ADK: variants seen among roughly 807,000 people sequenced by gnomAD.
The protein encoded by ADK is N6,N6-dimethyladenosine kinase.
Under a neutral mutation model 44.7 loss-of-function variants are expected in ADK, and 24 were observed. That is an observed-to-expected ratio of 0.54 (90% CI 0.39 to 0.76). ADK has a LOEUF of 0.76. Ranked by LOEUF, ADK falls within the 30% of genes least tolerant of loss-of-function variation. The pLI, the probability that ADK is intolerant of heterozygous loss-of-function variation, is 0.00. For missense variants in ADK, 321 were observed against 425.1 expected (o/e 0.76, Z 2.15); for synonymous variants, 128 against 142.6 (o/e 0.90, Z 0.73).
chr10:74,246,032 A>G (rs1845403021), intron 3 of ADK, among the ~76,000 whole-genome samples: 1 of 152,126 alleles, frequency 6.6e-6, no homozygotes, highest in Non-Finnish European at 1.5e-5. Flanking sequence ...GTTAAAAAAA[A>G]TCAAAATATT....
At chr10:74,202,076 A>T (rs1843418337) in intron 2 of ADK, among the ~76,000 whole-genome samples, 1 of 152,120 alleles carries the variant, frequency 6.6e-6, no homozygotes. Flanking sequence ...CATACCCAGT[A>T]AGTAGTCATT....
At chr10:74,465,907 A>G (rs1009206997) in intron 6 of ADK, among the ~76,000 whole-genome samples, 3 of 152,184 alleles carry the variant, frequency 2.0e-5, no homozygotes, top group African/African-American at 7.2e-5. Context: ...CTTGTGACTT[A>G]GACTTTGATA....
chr10:74,647,733 C>G (rs1189368278), intron 9 of ADK, among the ~76,000 whole-genome samples: 1 of 152,130 alleles, frequency 6.6e-6, no homozygotes, highest in African/African-American at 2.4e-5. Context: ...GAGTTTCAGT[C>G]TCTGTTTAGG....
At chr10:74,451,067 CTTTTTTT>C (rs35120068) in intron 6 of ADK, among the ~76,000 whole-genome samples, 5 of 72,162 alleles carry the variant, frequency 6.9e-5, no homozygotes, top group African/African-American at 1.8e-4. Context: ...GCTCTGCTGC[CTTTTTTT>C]TTTTTTTTTT....
chr10:74,303,585 G>GTTTTTTTTTTTTTTTTTTTTTTTT lies in ADK; in HGVS notation c.195-11080_195-11079insTTTTTTTTTTTTTTTTTTTTTTTT, dbSNP rs1282565148. On this transcript the variant is annotated intron_variant, in intron 3 of 10. Transcript: ENST00000539909. ...AAACACTTTTCATATTGGTTTTAAT[G>GTTTTTTTTTTTTTTTTTTTTTTTT]TTGTTTTTTTTTTTTTTTTTTTTTT... Among the ~76,000 whole-genome samples the GTTTTTTTTTTTTTTTTTTTTTTTT allele has an allele frequency of 4.1e-3, 268 of 64,642 alleles. 85 individuals carry two copies. The highest frequency in any genetic ancestry group is 5.4e-3 in the Non-Finnish European group (219 of 40,792). The allele number at this position is 64,642 out of a possible 152,430, so 42.4% of individuals were successfully genotyped here.
At chr10:74,344,372 C>T (rs1841688590) in intron 4 of ADK, among the ~76,000 whole-genome samples, 1 of 152,178 alleles carries the variant, frequency 6.6e-6, no homozygotes, top group South Asian at 2.1e-4. Flanking sequence ...ATAAGACCTT[C>T]TATTCTGATT....
At chr10:74,325,686 T>C (rs142374811) in intron 4 of ADK, among the ~76,000 whole-genome samples, 3 of 152,246 alleles carry the variant, frequency 2.0e-5, no homozygotes, top group Non-Finnish European at 2.9e-5. Flanking sequence ...ATTTCTAACA[T>C]GAAAGAATGT....
chr10:74,522,434 G>C lies in ADK; in HGVS notation c.556-2822G>C, dbSNP rs368996235. On this transcript the variant is annotated intron_variant, in intron 6 of 10. Coordinates refer to ENST00000539909, the MANE Select transcript of ADK (RefSeq NM_006721.4). The stretch of plus-strand genomic sequence containing the variant: ...CTTCTGCGGGTTTTCTCAATTGCTA[G>C]GGGGCCATATTTTGGGGTATTGTAT... 4.6e-5 allele frequency among the ~76,000 whole-genome samples: 7 copies of C among 152,196 alleles called. No individual in the cohort carries two copies. The East Asian group carries it at 7.7e-4, about 17-fold the overall frequency.
At chr10:74,529,806 A>G (rs1259121585) in intron 7 of ADK, among the ~76,000 whole-genome samples, 1 of 152,172 alleles carries the variant, frequency 6.6e-6, no homozygotes, top group Non-Finnish European at 1.5e-5. Flanking sequence ...ATTTTAGAAC[A>G]TCTGTCATTA....
chr10:74,672,697 G>A (rs1026604248), intron 10 of ADK, among the ~76,000 whole-genome samples: 3 of 152,150 alleles, frequency 2.0e-5, no homozygotes, highest in African/African-American at 7.2e-5. Flanking sequence ...TCTGTCAAAT[G>A]TGAATCAAGC....
intron 9 of ADK, among the ~76,000 whole-genome samples, chr10:74,606,145 T>A (rs1244157710): frequency 6.6e-6 from 1 of 152,206 alleles, no homozygotes; most frequent in Non-Finnish European, 1.5e-5. Flanking sequence ...TCTTCTTTAT[T>A]AGTCTAGCTA....
intron 6 of ADK, among the ~76,000 whole-genome samples, chr10:74,430,101 G>A (rs1323258909): frequency 1.3e-5 from 2 of 152,110 alleles, no homozygotes; most frequent in African/African-American, 4.8e-5. Flanking sequence ...GCTAAAAGTA[G>A]CAGACCCAGG....
intron 6 of ADK, among the ~76,000 whole-genome samples, chr10:74,507,522 G>A (rs567193684): frequency 1.5e-4 from 23 of 152,088 alleles, no homozygotes; most frequent in African/African-American, 5.5e-4. Flanking sequence ...CTGTGAGGTG[G>A]GAGAATCGCT....
At chr10:74,171,855 G>A (rs942828815) in intron 1 of ADK, among the ~76,000 whole-genome samples, 2 of 150,976 alleles carry the variant, frequency 1.3e-5, no homozygotes, top group Non-Finnish European at 2.9e-5. Context: ...TTTAGAAAAA[G>A]AGTAGAATGG....
chr10:74,464,447 A>G (rs1429225804), intron 6 of ADK, among the ~76,000 whole-genome samples: 1 of 152,042 alleles, frequency 6.6e-6, no homozygotes, highest in Non-Finnish European at 1.5e-5. Context: ...GCTACTTGGG[A>G]GGCTGAAGCA....
At chr10:74,239,411 A>G (rs16931294) in intron 3 of ADK, among the ~76,000 whole-genome samples, 25,945 of 152,000 alleles carry the variant, frequency 0.17, 2,592 homozygotes, top group African/African-American at 0.28. Context: ...GGGTCAGTCA[A>G]CCTTGTAGAA....
intron 1 of ADK, among the ~76,000 whole-genome samples, chr10:74,172,368 ATTACAGG>A (rs1842186873): frequency 6.6e-6 from 1 of 151,962 alleles, no homozygotes; most frequent in South Asian, 2.1e-4. Context: ...CAGTGCTGGG[ATTACAGG>A]TGTGAGCCAT....
intron 7 of ADK, among the ~76,000 whole-genome samples, chr10:74,569,118 A>G (rs1009072528): frequency 6.6e-6 from 1 of 152,074 alleles, no homozygotes; most frequent in Non-Finnish European, 1.5e-5. Flanking sequence ...ATCATTTTTT[A>G]TGGCTGCATA....
Position 74,389,403 on chromosome 10 carries a change from T to C in ADK, c.274-4738T>C, listed in dbSNP as rs186740376. ...AATGATAGGAAATAGATTAGTTGGA[T>C]GTTGGTGAAACATTGTGTTTTAGAT... On this transcript the variant is annotated intron_variant, in intron 4 of 10. Coordinates refer to ENST00000539909, the MANE Select transcript of ADK (RefSeq NM_006721.4). 3.0e-3 allele frequency among the ~76,000 whole-genome samples: 451 copies of C among 152,322 alleles called. 1 individual carries two copies. Among genetic ancestry groups the C allele is most frequent in the African/African-American group, 0.01 (432 of 41,588 alleles).
Sources: allele counts gnomAD v4.1 joint callset (sites outside exome capture counted in the v4.1 genomes callset), GRCh38; gene constraint gnomAD v4.1.1; transcripts MANE v1.5; gene names NCBI Gene and HGNC (gene_info 2026-07-23, HGNC 2026-07-21).